The following INPP4A variants were observed in gnomAD, a reference collection of about 807,000 sequenced individuals.
INPP4A encodes the protein inositol polyphosphate-4-phosphatase, type I, 107kD.
A neutral mutation model predicts 119.8 loss-of-function variants in INPP4A; 33 were observed. The observed-to-expected ratio is 0.28, with a 90% CI of 0.21 to 0.37. The LOEUF (loss-of-function observed/expected upper bound fraction) is 0.37. INPP4A is among the 10% of genes least tolerant of loss of function. The pLI is 1.00. For missense variants in INPP4A, 956 were observed against 1,289.9 expected (o/e 0.74, Z 3.97); for synonymous variants, 496 against 500.7 (o/e 0.99, Z 0.12).
rs1487586965 is a variant in INPP4A, at chr2:98,589,582, TG to T, written c.*1977del. ...TTTTCCCAATTTTTGCTCTATGTAA[TG>T]GGTCACCATAAAACTGTAAGACTTG... On this transcript the variant is annotated 3_prime_UTR_variant, in exon 25 of 25. Coordinates refer to ENST00000409851, the MANE Select transcript of INPP4A (RefSeq NM_001134225.2). 1 of 179,184 alleles carries T rather than the reference TG, an allele frequency of 5.6e-6. No individual in the cohort carries two copies. The highest frequency in any genetic ancestry group is 2.4e-5 in the African/African-American group (1 of 42,320). 11.1% of individuals were successfully genotyped at this position (179,184 alleles called of 1,614,324 possible).
At chr2:98,461,337 A>C (rs1229625083) in intron 1 of INPP4A, among the ~76,000 whole-genome samples, 2 of 152,232 alleles carry the variant, frequency 1.3e-5, no homozygotes, top group Non-Finnish European at 2.9e-5. Flanking sequence ...AGAGCAAGGG[A>C]TGCTCATTGC....
rs1374170491 is a variant in INPP4A at position 98,590,919 on chromosome 2, G to A, written c.*3311G>A. 1 of 231,370 alleles carries A rather than the reference G, an allele frequency of 4.3e-6. No homozygotes were observed. The highest frequency in any genetic ancestry group is 8.5e-6 in the Non-Finnish European group (1 of 117,026). The allele number at this position is 231,370 out of a possible 1,614,324, so 14.3% of individuals were successfully genotyped here. ...TCAGTGTCCTGATTCCTTGATTACT[G>A]TGAACACTGAACATCTTTTATACCT... On this transcript the variant is annotated 3_prime_UTR_variant, in exon 25 of 25. Coordinates refer to ENST00000409851, the MANE Select transcript of INPP4A (RefSeq NM_001134225.2).
chr2:98,548,718 CG>C (rs1692938564), intron 13 of INPP4A, among the ~76,000 whole-genome samples: 1 of 152,122 alleles, frequency 6.6e-6, no homozygotes, highest in Admixed American at 6.5e-5. Flanking sequence ...CCTTTAAATG[CG>C]GAGGTAACTT....
At position 98,544,058 on chromosome 2, in the gene INPP4A, C is replaced by A. The variant is rs551609680; in HGVS notation, c.949+51C>A. On this transcript the variant is annotated intron_variant, in intron 11 of 24. Transcript: ENST00000409851. ...ACACACGCGTGCGCACACACACACA[C>A]ACACACTCTCACTCTCACTCAGTCA... 3.4e-4 allele frequency: 507 copies of A among 1,497,444 alleles called. 1 individual carries two copies. Among genetic ancestry groups the A allele is most frequent in the Non-Finnish European group, 4.4e-4 (488 of 1,104,788 alleles). The allele number at this position is 1,497,444 out of a possible 1,614,324, so 92.8% of individuals were successfully genotyped here. A position where few individuals can be genotyped will look rare whatever the true frequency, so the allele number is the denominator to read the frequency against.
In INPP4A at chr2:98,566,296, A is replaced by G. The variant is rs1401390166; in HGVS notation, c.2420+127A>G. On this transcript the variant is annotated intron_variant, in intron 21 of 24. Coordinates refer to ENST00000409851, the MANE Select transcript of INPP4A (RefSeq NM_001134225.2). This position sits in a 1 kb window ranked among gnomAD's most constrained non-coding sequence, Gnocchi z 4.2. ...GTCATCCTTCCTTCCTTTGGCCAAC[A>G]TTTTCATCATGGCCGTGCACCTCAC... is the stretch of plus-strand genomic sequence containing the variant. 9 of 1,029,890 alleles carry G rather than the reference A, an allele frequency of 8.7e-6. No individual in the cohort carries two copies. The highest frequency in any genetic ancestry group is 1.6e-5 in the African/African-American group (1 of 60,788). 63.8% of individuals were successfully genotyped at this position (1,029,890 alleles called of 1,614,324 possible).
chr2:98,584,624 G>C (rs544088085), intron 24 of INPP4A, among the ~76,000 whole-genome samples: 1 of 152,396 alleles, frequency 6.6e-6, no homozygotes, highest in East Asian at 1.9e-4. Context: ...CGTGGGCTGA[G>C]AGAAATGAGA....
At chr2:98,565,518 C>T in intron 19 of INPP4A, 122 bp from the exon 20 acceptor site, 1 of 1,039,116 alleles carries the variant, frequency 9.6e-7, no homozygotes, top group South Asian at 2.0e-5. Context: ...ACTCCCCCTC[C>T]ACCAGAGCCA....
At chr2:98,524,907 A>G (rs945557394) in intron 4 of INPP4A, among the ~76,000 whole-genome samples, 7 of 152,246 alleles carry the variant, frequency 4.6e-5, no homozygotes, top group Admixed American at 4.6e-4. Flanking sequence ...TACTGCTGCC[A>G]TAACAAATTA....
At chr2:98,488,985 A>G (rs1032482182) in intron 1 of INPP4A, among the ~76,000 whole-genome samples, 23 of 123,004 alleles carry the variant, frequency 1.9e-4, no homozygotes, top group African/African-American at 5.3e-4. Flanking sequence ...GTGTGTGTGT[A>G]AATGGTGTAG....
intron 7 of INPP4A, among the ~76,000 whole-genome samples, chr2:98,537,217 G>T (rs953635744): frequency 1.3e-5 from 2 of 152,218 alleles, no homozygotes; most frequent in Non-Finnish European, 2.9e-5. Context: ...ACCTGATTAA[G>T]TGAGACCTTG....
At chr2:98,520,643 A>G (rs1687009334) in intron 3 of INPP4A, 44 bp from the exon 4 acceptor site, 3 of 1,270,384 alleles carry the variant, frequency 2.4e-6, no homozygotes, top group Middle Eastern at 3.8e-4. Context: ...AAACAGAGAA[A>G]AGTTTATTAA....
intron 1 of INPP4A, among the ~76,000 whole-genome samples, chr2:98,461,774 GCTGTGTGCCTCTTCTGACGGTTTCA>G (rs770562001): frequency 1.3e-5 from 2 of 152,174 alleles, no homozygotes; most frequent in Non-Finnish European, 2.9e-5. Flanking sequence ...CTGCGTGCTC[GCTGTGTGCCTCTTCTGACGGTTTCA>G]CTGGCCCACA....
chr2:98,572,808 C>T lies in INPP4A; in HGVS notation c.2519-7C>T. Reference sequence around the variant, plus strand: ...ACCCACTCCCACGAACTCCTTTTCTCTTCCAGGCCTGCCTCGGTCTCGCAG... The same window carrying T: ...ACCCACTCCCACGAACTCCTTTTCTTTTCCAGGCCTGCCTCGGTCTCGCAG... On this transcript the variant is annotated splice_polypyrimidine_tract_variant and splice_region_variant and intron_variant, in intron 22 of 24. Coordinates refer to ENST00000409851, the MANE Select transcript of INPP4A (RefSeq NM_001134225.2). The T allele has an allele frequency of 6.5e-7, 1 of 1,546,022 alleles. No homozygotes were observed. The highest frequency in any genetic ancestry group is 8.7e-7 in the Non-Finnish European group (1 of 1,144,966).
rs570692710 is a variant in INPP4A, at chr2:98,504,600, G to A, written c.-165-14364G>A. ...GGCTTACTGCCTGGTTTCTAAAATAGCATTGTCTTCCCGGCATTTCATTGA... is the reference window on the plus strand; with the variant it reads ...GGCTTACTGCCTGGTTTCTAAAATAACATTGTCTTCCCGGCATTTCATTGA... On this transcript the variant is annotated intron_variant, in intron 1 of 24. Coordinates refer to ENST00000409851, the MANE Select transcript of INPP4A (RefSeq NM_001134225.2). 2.6e-5 allele frequency among the ~76,000 whole-genome samples: 4 copies of A among 152,302 alleles called. No individual in the cohort carries two copies. In the South Asian group the frequency reaches 6.2e-4, roughly 24 times the overall value.
intron 1 of INPP4A, among the ~76,000 whole-genome samples, chr2:98,505,417 C>T (rs1323082989): frequency 2.1e-5 from 3 of 141,986 alleles, no homozygotes; most frequent in Admixed American, 7.2e-5. Flanking sequence ...GTGATGAGCT[C>T]GTTCACTTTC....
chr2:98,568,997 A>T, intron 22 of INPP4A: 1 of 213,890 alleles, frequency 4.7e-6, no homozygotes. Flanking sequence ...GGCAGGACCC[A>T]CCCTCGGCCA....
intron 9 of INPP4A, 26 bp from the exon 10 acceptor site, chr2:98,539,499 AGCC>A: frequency 2.5e-6 from 4 of 1,591,550 alleles, no homozygotes; most frequent in Non-Finnish European, 3.4e-6. Flanking sequence ...GTTCATTTGC[AGCC>A]TGTCTCCCTT....
At chr2:98,563,962 A>G (rs1695977641) in intron 18 of INPP4A, among the ~76,000 whole-genome samples, 1 of 146,700 alleles carries the variant, frequency 6.8e-6, no homozygotes, top group Admixed American at 6.8e-5. Flanking sequence ...TTTACTGCAC[A>G]GAGGTTGAGT....
In INPP4A at chr2:98,555,539, C is replaced by T. The variant is rs937220380; in HGVS notation, c.1567-14C>T. 6 of 1,585,436 alleles carry T rather than the reference C, an allele frequency of 3.8e-6. No individual in the cohort carries two copies. Among genetic ancestry groups the T allele is most frequent in the Admixed American group, 3.4e-5 (2 of 58,590 alleles). On this transcript the variant is annotated splice_polypyrimidine_tract_variant and intron_variant, in intron 15 of 24. Transcript: ENST00000409851. ...CGGGAGAGCTGACCCACATGGGCCC[C>T]TTTGATTTGGAAGGAGAAAGTGTGG... is the stretch of plus-strand genomic sequence containing the variant.
Sources: allele counts gnomAD v4.1 joint callset (sites outside exome capture counted in the v4.1 genomes callset), GRCh38; gene constraint gnomAD v4.1.1; non-coding constraint Gnocchi (gnomAD v3.1); transcripts MANE v1.5; gene names NCBI Gene and HGNC (gene_info 2026-07-23, HGNC 2026-07-21).